Variants in AGBL1 observed in about 807,000 individuals in gnomAD.
AGBL1 encodes the protein cytosolic carboxypeptidase 4.
A neutral mutation model predicts 118.9 loss-of-function variants in AGBL1; 130 were observed. The ratio of observed to expected loss-of-function variants is 1.09; its 90% CI spans 0.95 to 1.26. The LOEUF (loss-of-function observed/expected upper bound fraction) is 1.26, where lower values mean the gene tolerates loss of function less well. AGBL1 is among the 50% of genes most tolerant of loss of function. AGBL1 has a pLI of 0.00. For missense variants in AGBL1, 1,584 were observed against 1,298.1 expected (o/e 1.22, Z -3.38); for synonymous variants, 555 against 478.9 (o/e 1.16, Z -2.08).
At chr15:86,370,939 A>G (rs1373600749) in intron 17 of AGBL1, among the ~76,000 whole-genome samples, 1 of 152,226 alleles carries the variant, frequency 6.6e-6, no homozygotes, top group Non-Finnish European at 1.5e-5. Flanking sequence ...AAGCATGTGA[A>G]GGCTCTTGGG....
At chr15:86,684,916 T>G (rs2086027157) in intron 22 of AGBL1, among the ~76,000 whole-genome samples, 2 of 152,152 alleles carry the variant, frequency 1.3e-5, no homozygotes, top group African/African-American at 4.8e-5. Context: ...GCAAACAGCT[T>G]GTATTTGACT....
At chr15:86,728,041 A>C (rs1283266212) in intron 22 of AGBL1, among the ~76,000 whole-genome samples, 1 of 152,200 alleles carries the variant, frequency 6.6e-6, no homozygotes, top group Non-Finnish European at 1.5e-5. Flanking sequence ...TTTAGACCTT[A>C]CTTCTAGCAT....
chr15:86,840,016 T>A (rs1175034216), intron 22 of AGBL1, among the ~76,000 whole-genome samples: 1 of 152,212 alleles, frequency 6.6e-6, no homozygotes, highest in Non-Finnish European at 1.5e-5. Context: ...TCTCAGTAAA[T>A]AATTTTCCTC....
intron 5 of AGBL1, among the ~76,000 whole-genome samples, chr15:86,202,665 A>G (rs897995665): frequency 6.6e-6 from 1 of 152,162 alleles, no homozygotes; most frequent in African/African-American, 2.4e-5. Context: ...TCCTTAAAAT[A>G]CCAAAGTTTC....
chr15:86,122,966 T>A (rs1194171986), intron 1 of AGBL1, among the ~76,000 whole-genome samples: 1 of 152,152 alleles, frequency 6.6e-6, no homozygotes, highest in Non-Finnish European at 1.5e-5. Flanking sequence ...TAGCATCACA[T>A]AACAGATAGC....
At chr15:86,359,387 C>CTTTTTTTTTTTTTTT (rs56189861) in intron 17 of AGBL1, among the ~76,000 whole-genome samples, 7 of 93,788 alleles carry the variant, frequency 7.5e-5, no homozygotes, top group African/African-American at 8.1e-5. Flanking sequence ...TATTGGTTTT[C>CTTTTTTTTTTTTTTT]TTTTTTTTTT....
Position 86,718,000 on chromosome 15 carries a change from C to G in AGBL1, c.3158+43564C>G, listed in dbSNP as rs148647787. 2.7e-3 allele frequency among the ~76,000 whole-genome samples: 411 copies of G among 152,270 alleles called. 1 individual carries two copies. The highest frequency in any genetic ancestry group is 9.3e-3 in the African/African-American group (386 of 41,550). Reference sequence around the variant, plus strand: ...GGCTGAGGTAGGAGAATCACTTGAACCTGGGAGGTGGAGGTTGCAGTAAGC... The same window carrying G: ...GGCTGAGGTAGGAGAATCACTTGAAGCTGGGAGGTGGAGGTTGCAGTAAGC... On this transcript the variant is annotated intron_variant, in intron 22 of 22. Coordinates refer to ENST00000614907, the MANE Select transcript of AGBL1 (RefSeq NM_001386094.1).
chr15:86,216,998 T>C (rs961009191), intron 5 of AGBL1, among the ~76,000 whole-genome samples: 10 of 152,324 alleles, frequency 6.6e-5, no homozygotes, highest in African/African-American at 2.2e-4. Context: ...CCACTTCCTC[T>C]CCATATTTTT....
intron 22 of AGBL1, among the ~76,000 whole-genome samples, chr15:86,686,865 T>A (rs535869619): frequency 6.6e-6 from 1 of 152,072 alleles, no homozygotes; most frequent in Non-Finnish European, 1.5e-5. Flanking sequence ...ATAACTTGCC[T>A]AAGCCCACAC....
At chr15:86,940,062 T>A (rs2080730964) in intron 23 of AGBL1, among the ~76,000 whole-genome samples, 1 of 30,766 alleles carries the variant, frequency 3.3e-5, no homozygotes, top group Admixed American at 3.3e-4. Context: ...TGGTAGTCCT[T>A]TTTTTTTTTT....
chr15:86,565,940 A>G (rs1380070243), intron 21 of AGBL1, among the ~76,000 whole-genome samples: 1 of 152,156 alleles, frequency 6.6e-6, no homozygotes, highest in Non-Finnish European at 1.5e-5. Context: ...CAGGCGCGGG[A>G]TATAATCTCC....
At chr15:86,223,140 A>G (rs1309852912) in intron 5 of AGBL1, among the ~76,000 whole-genome samples, 1 of 151,972 alleles carries the variant, frequency 6.6e-6, no homozygotes, top group African/African-American at 2.4e-5. Flanking sequence ...TATTCTCCTG[A>G]CTGGTCTATT....
At chr15:86,595,603 C>G (rs2084394154) in intron 21 of AGBL1, among the ~76,000 whole-genome samples, 2 of 152,166 alleles carry the variant, frequency 1.3e-5, no homozygotes, top group African/African-American at 4.8e-5. Flanking sequence ...TCATTCCTTT[C>G]TGAGTCTGAG....
intron 3 of AGBL1, among the ~76,000 whole-genome samples, chr15:86,151,078 T>A (rs994198791): frequency 2.3e-4 from 35 of 151,958 alleles, no homozygotes; most frequent in African/African-American, 8.5e-4. Flanking sequence ...CCGCATATTC[T>A]TACTCATAGG....
At position 86,341,651 on chromosome 15, in the gene AGBL1, T is replaced by G. The variant is rs187403142; in HGVS notation, c.2374+46243T>G. On this transcript the variant is annotated intron_variant, in intron 17 of 22. Coordinates refer to ENST00000614907, the MANE Select transcript of AGBL1 (RefSeq NM_001386094.1). Reference sequence around the variant, plus strand: ...TATCATTTCATGCCCTTTCCTCATGTGTATCATTCTCGGGCACTACAAAGA... The same window carrying G: ...TATCATTTCATGCCCTTTCCTCATGGGTATCATTCTCGGGCACTACAAAGA... Among the ~76,000 whole-genome samples the G allele has an allele frequency of 3.1e-3, 474 of 152,310 alleles. 2 individuals are homozygous for G. Among genetic ancestry groups the G allele is most frequent in the African/African-American group, 0.011 (452 of 41,568 alleles).
chr15:86,576,268 C>T (rs1346499294), intron 21 of AGBL1, among the ~76,000 whole-genome samples: 1 of 152,036 alleles, frequency 6.6e-6, no homozygotes, highest in Non-Finnish European at 1.5e-5. Flanking sequence ...AGAAAAACAT[C>T]AGACAAATTA....
intron 18 of AGBL1, among the ~76,000 whole-genome samples, chr15:86,457,381 G>A (rs776427199): frequency 2.6e-5 from 4 of 152,118 alleles, no homozygotes; most frequent in Non-Finnish European, 5.9e-5. Context: ...CAACAGGTTC[G>A]TCGCAGCCTC....
At chr15:86,500,068 T>TCA (rs1333151631) in intron 18 of AGBL1, among the ~76,000 whole-genome samples, 1 of 151,838 alleles carries the variant, frequency 6.6e-6, no homozygotes, top group African/African-American at 2.4e-5. Flanking sequence ...CCTGGGTTTG[T>TCA]GGTCCTGCTG....
chr15:86,418,582 A>G (rs1016355172), intron 18 of AGBL1, among the ~76,000 whole-genome samples: 1 of 152,038 alleles, frequency 6.6e-6, no homozygotes, highest in African/African-American at 2.4e-5. Flanking sequence ...TTCATCTGCC[A>G]TTTTCTCTTT....
Sources: allele counts gnomAD v4.1 joint callset (sites outside exome capture counted in the v4.1 genomes callset), GRCh38; gene constraint gnomAD v4.1.1; transcripts MANE v1.5; gene names NCBI Gene and HGNC (gene_info 2026-07-23, HGNC 2026-07-21).